Variants in PCDH15 observed in about 807,000 individuals in gnomAD.
PCDH15 encodes the protein protocadherin-15.
PCDH15 carries 129 observed loss-of-function variants against 178.5 expected under a neutral mutation model. The observed-to-expected ratio is 0.72, with a 90% CI of 0.63 to 0.84. The LOEUF (loss-of-function observed/expected upper bound fraction) is 0.84, where lower values mean the gene tolerates loss of function less well. Among genes scored for constraint, PCDH15 ranks in the 40% least tolerant of loss-of-function variants. PCDH15 has a pLI of 0.00. For synonymous variants in PCDH15, 800 were observed against 732.0 expected, an observed-to-expected ratio of 1.09 and a Z score of -1.50; for missense variants, 2,230 against 2,099.9, an observed-to-expected ratio of 1.06 and a Z score of -1.21.
At chr10:54,223,049 C>T (rs1443454220) in intron 9 of PCDH15, among the ~76,000 whole-genome samples, 3 of 151,988 alleles carry the variant, frequency 2.0e-5, no homozygotes, top group Admixed American at 6.6e-5. Context: ...CAGTGGCTCA[C>T]GCCTGTTATC....
At chr10:54,500,927 T>C (rs901078039) in intron 3 of PCDH15, among the ~76,000 whole-genome samples, 1 of 152,108 alleles carries the variant, frequency 6.6e-6, no homozygotes, top group East Asian at 1.9e-4. Flanking sequence ...AATGAGTTCA[T>C]GTCCTTTGCA....
At chr10:55,365,080 A>T (rs1845323018) in intron 2 of PCDH15, among the ~76,000 whole-genome samples, 1 of 152,058 alleles carries the variant, frequency 6.6e-6, no homozygotes, top group Non-Finnish European at 1.5e-5. Flanking sequence ...ATGGTCCAGT[A>T]ATTTCAACAT....
chr10:54,908,677 A>G (rs748893962), intron 2 of PCDH15, among the ~76,000 whole-genome samples: 7 of 152,198 alleles, frequency 4.6e-5, no homozygotes, highest in Non-Finnish European at 8.8e-5. Context: ...GCAGTAGAAC[A>G]GCTCAGAGGA....
intron 2 of PCDH15, among the ~76,000 whole-genome samples, chr10:55,400,983 T>A (rs1045616654): frequency 1.3e-5 from 2 of 152,066 alleles, no homozygotes; most frequent in Non-Finnish European, 2.9e-5. Context: ...AAAAATATAA[T>A]CCTACTGAAG....
intron 2 of PCDH15, among the ~76,000 whole-genome samples, chr10:55,086,849 T>G (rs143073292): frequency 6.6e-6 from 1 of 152,214 alleles, no homozygotes; most frequent in Non-Finnish European, 1.5e-5. Context: ...TCAGTATTAA[T>G]TTTCTGATTT....
intron 2 of PCDH15, among the ~76,000 whole-genome samples, chr10:55,586,971 A>G (rs1842737731): frequency 2.0e-5 from 3 of 152,134 alleles, no homozygotes; most frequent in African/African-American, 7.2e-5. Flanking sequence ...TCAGAATCTA[A>G]ACTACAGAAC....
At chr10:55,400,463 C>T (rs1838035534) in intron 2 of PCDH15, among the ~76,000 whole-genome samples, 1 of 152,148 alleles carries the variant, frequency 6.6e-6, no homozygotes, top group Non-Finnish European at 1.5e-5. Context: ...ATATTCACTA[C>T]ATTTAGAATA....
chr10:55,066,915 A>C (rs1841580947), intron 2 of PCDH15, among the ~76,000 whole-genome samples: 1 of 151,868 alleles, frequency 6.6e-6, no homozygotes, highest in Non-Finnish European at 1.5e-5. Flanking sequence ...GAGAACTTGA[A>C]ATTATACTAA....
chr10:55,025,600 T>G (rs1840458823), intron 2 of PCDH15, among the ~76,000 whole-genome samples: 2 of 152,084 alleles, frequency 1.3e-5, no homozygotes, highest in South Asian at 4.1e-4. Context: ...ACAAAATATG[T>G]AAATTAATTA....
chr10:54,713,228 C>T (rs968286040), intron 1 of PCDH15, among the ~76,000 whole-genome samples: 1 of 123,236 alleles, frequency 8.1e-6, no homozygotes, highest in African/African-American at 3.0e-5. Flanking sequence ...CACACACATA[C>T]ACACACACAT....
rs188658450 is a variant in PCDH15, at chr10:53,854,767, T to C, written c.3806+2408A>G. Among the ~76,000 whole-genome samples, 464 of 152,238 alleles carry C rather than the reference T, an allele frequency of 3.0e-3. 2 individuals are homozygous for C. The highest frequency in any genetic ancestry group is 0.01 in the African/African-American group (422 of 41,566). On this transcript the variant is annotated intron_variant, in intron 28 of 37. Coordinates refer to ENST00000644397, the MANE Select transcript of PCDH15 (RefSeq NM_001384140.1). ...TAGTCATACTTTCTATTGTCCTAGA[T>C]ACATTATATAATTCAGTTTTCAAAA...
intron 2 of PCDH15, among the ~76,000 whole-genome samples, chr10:55,452,951 C>T (rs1839468363): frequency 6.6e-6 from 1 of 152,074 alleles, no homozygotes; most frequent in South Asian, 2.1e-4. Flanking sequence ...GAATACAGAA[C>T]AGTAAAGGTA....
Position 54,570,824 on chromosome 10 carries a change from T to TTTC in PCDH15, c.92-42948_92-42947insGAA, listed in dbSNP as rs766192301. Among the ~76,000 whole-genome samples, 796 of 147,184 alleles carry TTTC rather than the reference T, an allele frequency of 5.4e-3. 10 individuals are homozygous for TTTC. The highest frequency in any genetic ancestry group is 0.014 in the African/African-American group (555 of 40,278). ...GTGCCACCACGCCTGGCTATTTTTT[T>TTTC]TTTTCTTTTTTTTTTGTATTTTTAG... is the stretch of plus-strand genomic sequence containing the variant. On this transcript the variant is annotated intron_variant, in intron 2 of 37. Coordinates refer to ENST00000644397, the MANE Select transcript of PCDH15 (RefSeq NM_001384140.1).
chr10:55,163,182 T>C (rs1482753974), intron 2 of PCDH15, among the ~76,000 whole-genome samples: 2 of 152,040 alleles, frequency 1.3e-5, no homozygotes, highest in Non-Finnish European at 2.9e-5. Context: ...CTGATCTGAG[T>C]AGTAATAAAA....
intron 1 of PCDH15, among the ~76,000 whole-genome samples, chr10:54,786,942 A>G (rs922859181): frequency 6.6e-6 from 1 of 151,738 alleles, no homozygotes; most frequent in Admixed American, 6.6e-5. Flanking sequence ...AAAGTTAACT[A>G]TGTAAAGATA....
At position 54,385,784 on chromosome 10, in the gene PCDH15, T is replaced by A. The variant is rs565151570; in HGVS notation, c.158-6842A>T. Among the ~76,000 whole-genome samples the A allele has an allele frequency of 4.9e-3, 751 of 152,272 alleles. 8 individuals are homozygous for A. The highest frequency in any genetic ancestry group is 0.017 in the African/African-American group (698 of 41,564). On this transcript the variant is annotated intron_variant, in intron 3 of 37. Transcript: ENST00000644397. ...ATAAACTAACTAAATTAAATAAGAT[T>A]CTTTCAGGTATTTTCTAAAGGTCAT...
intron 16 of PCDH15, among the ~76,000 whole-genome samples, chr10:54,085,547 A>G (rs1476762121): frequency 1.3e-5 from 2 of 152,196 alleles, no homozygotes; most frequent in African/African-American, 4.8e-5. Flanking sequence ...TTGCTAAATC[A>G]TATGCCACTA....
chr10:53,974,271 T>C (rs571175460), intron 21 of PCDH15, among the ~76,000 whole-genome samples: 20 of 152,230 alleles, frequency 1.3e-4, no homozygotes, highest in African/African-American at 4.8e-4. Flanking sequence ...CACCTTGGCT[T>C]CCCAGAGTGT....
At chr10:55,265,666 A>G (rs1842270456) in intron 1 of PCDH15, among the ~76,000 whole-genome samples, 1 of 152,180 alleles carries the variant, frequency 6.6e-6, no homozygotes, top group African/African-American at 2.4e-5. Flanking sequence ...CAAGCCACTC[A>G]GTTAGGCTAA....
Sources: allele counts gnomAD v4.1 joint callset (sites outside exome capture counted in the v4.1 genomes callset), GRCh38; gene constraint gnomAD v4.1.1; transcripts MANE v1.5; gene names NCBI Gene and HGNC (gene_info 2026-07-23, HGNC 2026-07-21).